The following TMEM14A variants were observed in gnomAD, a reference collection of about 807,000 sequenced individuals.
The protein encoded by TMEM14A is transmembrane protein 14A.
In TMEM14A, 8 loss-of-function variants were observed where a neutral mutation model predicts 11.6. The observed-to-expected ratio is 0.69, with a 90% CI of 0.40 to 1.24. The LOEUF (loss-of-function observed/expected upper bound fraction) is 1.24. Among genes scored for constraint, TMEM14A ranks in the 50% most tolerant of loss-of-function variants. TMEM14A has a pLI of 0.01. For missense variants in TMEM14A, 108 were observed against 121.9 expected (o/e 0.89, Z 0.54); for synonymous variants, 34 against 45.5 (o/e 0.75, Z 1.02).
In TMEM14A at chr6:52,686,032, G is replaced by C. The variant is rs1456525313; in HGVS notation, c.283G>C (p.Val95Leu). 1.5e-5 allele frequency: 24 copies of C among 1,611,902 alleles called. No homozygotes were observed. Among genetic ancestry groups the C allele is most frequent in the Non-Finnish European group, 1.7e-5 (20 of 1,179,064 alleles). ...GLSLMMILRL[V>L]LLLL ...CAGCCTCATGATGATCCTGAGACTT[G>C]TCTTGTTGCTGCTCTGAGCATCTGG... is the stretch of plus-strand genomic sequence containing the variant. Residue 95 changes from valine (V) to leucine (L), a missense_variant, in exon 5 of 5, where the codon GTC becomes CTC. Coordinates refer to ENST00000211314, the MANE Select transcript of TMEM14A (RefSeq NM_014051.4).
chr6:52,678,924 T>G (rs1481403061), intron 2 of TMEM14A, among the ~76,000 whole-genome samples: 2 of 152,172 alleles, frequency 1.3e-5, no homozygotes, highest in Admixed American at 6.5e-5. Context: ...TGTCTTAGAA[T>G]GTGTGTGTAA....
intron 2 of TMEM14A, among the ~76,000 whole-genome samples, chr6:52,680,593 T>TATATATATATATATATATATA (rs1561874928): frequency 2.4e-4 from 23 of 96,520 alleles, no homozygotes; most frequent in East Asian, 1.0e-3. Flanking sequence ...ATTTATATAT[T>TATATATATATATATATATATA]TATATATATA....
Position 52,684,087 on chromosome 6 carries a change from T to G in TMEM14A, c.182T>G (p.Phe61Cys), listed in dbSNP as rs535676501. The change falls in exon 4 of 5, where the codon TTC (phenylalanine) becomes TGC (cysteine). Residue 61 changes from phenylalanine (F) to cysteine (C), a missense_variant. Transcript: ENST00000211314. Reference protein sequence around the residue: ...RDVKVSLFTAFFLATIMGVRF... With the variant: ...RDVKVSLFTACFLATIMGVRF... ...TTAGTTTGGTTTTCAGTTACAGCTT[T>G]CTTCCTGGCTACCATAATGGGTGTG... 192 of 1,612,896 alleles carry G rather than the reference T, an allele frequency of 1.2e-4. 2 individuals are homozygous for G. The South Asian group carries it at 2.0e-3, about 17-fold the overall frequency.
chr6:52,675,994 G>A (rs2127262246), intron 1 of TMEM14A, among the ~76,000 whole-genome samples: 1 of 152,292 alleles, frequency 6.6e-6, no homozygotes, highest in East Asian at 1.9e-4. Flanking sequence ...GGGATAGTCG[G>A]GCTTTTGGAG....
At position 52,684,183 on chromosome 6, in the gene TMEM14A, G is replaced by T; in HGVS notation, c.260+18G>T. 3 of 1,605,248 alleles carry T rather than the reference G, an allele frequency of 1.9e-6. No homozygotes were observed. In the South Asian group the frequency reaches 3.4e-5, roughly 18 times the overall value. ...GGTTTAAGGTAAGTAAAACTATTTT[G>T]ATCAATACTTTCCTCTGCTGTTGTT... On this transcript the variant is annotated intron_variant, in intron 4 of 4. Coordinates refer to ENST00000211314, the MANE Select transcript of TMEM14A (RefSeq NM_014051.4).
At chr6:52,677,957 G>A (rs1479029797) in intron 2 of TMEM14A, among the ~76,000 whole-genome samples, 1 of 152,156 alleles carries the variant, frequency 6.6e-6, no homozygotes, top group East Asian at 1.9e-4. Flanking sequence ...TTGTAGCTGG[G>A]GGGCTGGCAG....
At chr6:52,683,579 G>A (rs1769435384) in intron 3 of TMEM14A, among the ~76,000 whole-genome samples, 1 of 151,904 alleles carries the variant, frequency 6.6e-6, no homozygotes, top group African/African-American at 2.4e-5. Flanking sequence ...CCTTTTCGGC[G>A]AGGTAGATGA....
chr6:52,676,911 C>T (rs922227760), intron 1 of TMEM14A, among the ~76,000 whole-genome samples, 176 bp from the exon 2 acceptor site: 3 of 152,118 alleles, frequency 2.0e-5, no homozygotes. Flanking sequence ...TTAGCAGCCA[C>T]CCCCGTGATC....
intron 3 of TMEM14A, among the ~76,000 whole-genome samples, chr6:52,682,590 T>A (rs3823031): frequency 1.6e-5 from 1 of 62,738 alleles, no homozygotes; most frequent in Admixed American, 1.5e-4. Flanking sequence ...GAGTGAGAGA[T>A]TTGGGGTTTT....
chr6:52,680,704 T>TATATATATACACAC (rs371102796), intron 2 of TMEM14A, among the ~76,000 whole-genome samples: 693 of 50,938 alleles, frequency 0.014, 57 homozygotes, highest in East Asian at 0.028. Context: ...TATATATATA[T>TATATATATACACAC]ACACATATAT....
chr6:52,680,603 A>ATG (rs1561874955), intron 2 of TMEM14A, among the ~76,000 whole-genome samples: 8 of 121,730 alleles, frequency 6.6e-5, no homozygotes, highest in South Asian at 2.7e-4. Context: ...TTATATATAT[A>ATG]TATATATATG....
intron 1 of TMEM14A, among the ~76,000 whole-genome samples, chr6:52,673,803 G>A (rs1267589096): frequency 1.3e-5 from 2 of 152,130 alleles, no homozygotes; most frequent in Non-Finnish European, 1.5e-5. Context: ...CTGTTAAGTC[G>A]AATTGACTAC....
chr6:52,680,703 A>ACATATATG (rs1769370482), intron 2 of TMEM14A, among the ~76,000 whole-genome samples: 2 of 100,410 alleles, frequency 2.0e-5, no homozygotes, highest in African/African-American at 6.5e-5. Context: ...ATATATATAT[A>ACATATATG]TACACATATA....
At chr6:52,676,189 C>G (rs1228205711) in intron 1 of TMEM14A, among the ~76,000 whole-genome samples, 1 of 152,106 alleles carries the variant, frequency 6.6e-6, no homozygotes, top group Non-Finnish European at 1.5e-5. Context: ...GAGGTACCCC[C>G]CAGAGTGTGC....
At position 52,681,882 on chromosome 6, in the gene TMEM14A, C is replaced by T; in HGVS notation, c.140C>T (p.Ser47Phe). ...GCCGGCTATGGAGCTTACCGTGTCT[C>T]CAATGACAAACGAGATGTAAAAGTG... is the stretch of plus-strand genomic sequence containing the variant. Reference protein sequence around the residue: ...CLAGYGAYRVSNDKRDVKVSL... With the variant: ...CLAGYGAYRVFNDKRDVKVSL... The change falls in exon 3 of 5, where the codon TCC becomes TTC. Residue 47 changes from serine (S) to phenylalanine (F), a missense_variant. Physicochemically the swap from Ser to Phe is radical, Grantham distance 155. Transcript: ENST00000211314. 6.2e-7 allele frequency: 1 copy of T among 1,614,038 alleles called. No individual in the cohort carries two copies. Among genetic ancestry groups the T allele is most frequent in the Middle Eastern group, 1.6e-4 (1 of 6,062 alleles).
rs998137071 is a variant in TMEM14A at position 52,686,445 on chromosome 6, G to T, written c.*396G>T. On this transcript the variant is annotated 3_prime_UTR_variant, in exon 5 of 5. Coordinates refer to ENST00000211314, the MANE Select transcript of TMEM14A (RefSeq NM_014051.4). ...TCTATTTGTCATTTGTGTTATATTT[G>T]AAATTATTAGAAATTATGCTTTTTC... 3.4e-5 allele frequency: 13 copies of T among 385,668 alleles called. No individual in the cohort carries two copies. Among genetic ancestry groups the T allele is most frequent in the African/African-American group, 2.5e-4 (12 of 48,312 alleles). The allele number at this position is 385,668 out of a possible 1,614,324, so 23.9% of individuals were successfully genotyped here. A position where few individuals can be genotyped will look rare whatever the true frequency, so the allele number is the denominator to read the frequency against.
At chr6:52,674,889 CTTTT>C (rs35094326) in intron 1 of TMEM14A, among the ~76,000 whole-genome samples, 14,615 of 139,402 alleles carry the variant, frequency 0.1, 999 homozygotes, top group Non-Finnish European at 0.15. Flanking sequence ...AATTCTTCTT[CTTTT>C]TTTTTTTTTT....
intron 2 of TMEM14A, among the ~76,000 whole-genome samples, chr6:52,678,329 TTG>T (rs201993880): frequency 0.087 from 2,596 of 29,992 alleles, 38 homozygotes; most frequent in Middle Eastern, 0.12. Context: ...ATGTGTGTGT[TTG>T]TGTGTGTGTG....
rs1358240682 is a variant in TMEM14A at position 52,671,130 on chromosome 6, C to A, written c.-132C>A. 2 of 152,340 alleles carry A rather than the reference C, an allele frequency of 1.3e-5. No homozygotes were observed. Among genetic ancestry groups the A allele is most frequent in the African/African-American group, 2.4e-5 (1 of 41,470 alleles). The allele number at this position is 152,340 out of a possible 1,614,324, so 9.4% of individuals were successfully genotyped here. On this transcript the variant is annotated 5_prime_UTR_variant, in exon 1 of 5. Coordinates refer to ENST00000211314, the MANE Select transcript of TMEM14A (RefSeq NM_014051.4). Reference sequence around the variant, plus strand: ...CTTTGCTCAGCGCGAGACGGCTGGGCGCCGAGTGGGACAGCGCTGGTGCGG... The same window carrying A: ...CTTTGCTCAGCGCGAGACGGCTGGGAGCCGAGTGGGACAGCGCTGGTGCGG...
Sources: allele counts gnomAD v4.1 joint callset (sites outside exome capture counted in the v4.1 genomes callset), GRCh38; gene constraint gnomAD v4.1.1; transcripts MANE v1.5; gene names NCBI Gene and HGNC (gene_info 2026-07-23, HGNC 2026-07-21).